Variants in KCND3 observed in about 807,000 individuals in gnomAD.
The protein encoded by KCND3 is A-type voltage-gated potassium channel KCND3.
Under a neutral mutation model 51.1 loss-of-function variants are expected in KCND3, and 9 were observed. The ratio of observed to expected loss-of-function variants is 0.18; its 90% CI spans 0.11 to 0.31. The LOEUF (loss-of-function observed/expected upper bound fraction) is 0.31. Among genes scored for constraint, KCND3 ranks in the 10% least tolerant of loss-of-function variants. The probability of loss-of-function intolerance (pLI) is 1.00; values close to 1 mark genes in which losing one functional copy is unlikely to be tolerated. For missense variants in KCND3, 526 were observed against 903.8 expected, an observed-to-expected ratio of 0.58 and a Z score of 5.36; for synonymous variants, 349 against 368.0, an observed-to-expected ratio of 0.95 and a Z score of 0.59.
At chr1:111,947,604 A>G (rs1672843140) in intron 2 of KCND3, among the ~76,000 whole-genome samples, 1 of 152,226 alleles carries the variant, frequency 6.6e-6, no homozygotes, top group Admixed American at 6.5e-5. Context: ...ACATGAGACC[A>G]TGTGTTCTTG....
At chr1:111,852,841 AGTG>A (rs776924005) in intron 2 of KCND3, among the ~76,000 whole-genome samples, 4 of 152,160 alleles carry the variant, frequency 2.6e-5, no homozygotes. Context: ...GGGCTTGCCT[AGTG>A]GTGGTTTTCT....
At chr1:111,808,683 C>A (rs1052866515) in intron 2 of KCND3, among the ~76,000 whole-genome samples, 9 of 152,222 alleles carry the variant, frequency 5.9e-5, no homozygotes, top group Non-Finnish European at 1.3e-4. Flanking sequence ...TAGAGCTTCT[C>A]ATCTCAGCTC....
intron 2 of KCND3, among the ~76,000 whole-genome samples, chr1:111,976,339 G>C (rs939280878): frequency 1.4e-4 from 21 of 152,164 alleles, no homozygotes; most frequent in African/African-American, 4.8e-4. Flanking sequence ...CCTAAAATCA[G>C]AACCACAGAA....
rs5002431 is a variant in KCND3 at position 111,884,558 on chromosome 1, A to T, written c.1106+97063T>A. On this transcript the variant is annotated intron_variant, in intron 2 of 7. Coordinates refer to ENST00000302127, the MANE Select transcript of KCND3 (RefSeq NM_001378969.1). ...AACAGGAGAGAAAGCACTAGAGAGGAGACCACGCTGAGAGATCTCCTTGGA... is the reference window on the plus strand; with the variant it reads ...AACAGGAGAGAAAGCACTAGAGAGGTGACCACGCTGAGAGATCTCCTTGGA... Among the ~76,000 whole-genome samples, 1,294 of 152,284 alleles carry T rather than the reference A, an allele frequency of 8.5e-3. 21 individuals carry two copies. The highest frequency in any genetic ancestry group is 0.029 in the African/African-American group (1,224 of 41,554).
intron 2 of KCND3, among the ~76,000 whole-genome samples, chr1:111,927,396 C>T (rs1671755199): frequency 6.6e-6 from 1 of 152,218 alleles, no homozygotes; most frequent in East Asian, 1.9e-4. Context: ...CTTTTGGAGA[C>T]CCCTTCCTGA....
chr1:111,784,507 T>C (rs1664525780), intron 3 of KCND3, among the ~76,000 whole-genome samples: 1 of 152,168 alleles, frequency 6.6e-6, no homozygotes. Context: ...ATCTTAGTAA[T>C]AATCCCAAGC....
chr1:111,824,682 C>T (rs75673565), intron 2 of KCND3, among the ~76,000 whole-genome samples: 5,718 of 152,260 alleles, frequency 0.038, 114 homozygotes, highest in African/African-American at 0.045. Flanking sequence ...AACCGACCCT[C>T]AGGCCTCCCA....
chr1:111,918,162 C>T (rs1231501491), intron 2 of KCND3, among the ~76,000 whole-genome samples: 1 of 152,138 alleles, frequency 6.6e-6, no homozygotes, highest in African/African-American at 2.4e-5. Flanking sequence ...ATGCAAGTGG[C>T]TTAGATTTAA....
chr1:111,879,237 T>C (rs901778168), intron 2 of KCND3, among the ~76,000 whole-genome samples: 1 of 152,158 alleles, frequency 6.6e-6, no homozygotes, highest in Admixed American at 6.5e-5. Context: ...TACATCCTAT[T>C]GGTTCTGTTT....
At chr1:111,783,794 AC>A (rs745738085) in intron 3 of KCND3, among the ~76,000 whole-genome samples, 3,185 of 152,284 alleles carry the variant, frequency 0.021, 39 homozygotes, top group Non-Finnish European at 0.031. Flanking sequence ...AAATAAACAA[AC>A]TGGTACATCT....
chr1:111,975,981 C>A (rs1674604423), intron 2 of KCND3, among the ~76,000 whole-genome samples: 1 of 152,168 alleles, frequency 6.6e-6, no homozygotes, highest in African/African-American at 2.4e-5. Flanking sequence ...TTGCTCTGCC[C>A]AGGCCCCCAC....
chr1:111,933,821 C>T (rs1301627092), intron 2 of KCND3, among the ~76,000 whole-genome samples: 1 of 152,204 alleles, frequency 6.6e-6, no homozygotes, highest in Non-Finnish European at 1.5e-5. Flanking sequence ...TCAATTTGCA[C>T]TTGTTTATCA....
intron 2 of KCND3, among the ~76,000 whole-genome samples, chr1:111,975,945 T>C (rs866524358): frequency 6.6e-6 from 1 of 152,190 alleles, no homozygotes; most frequent in African/African-American, 2.4e-5. Flanking sequence ...CTTCTTGACA[T>C]CCTAACATGA....
intron 2 of KCND3, among the ~76,000 whole-genome samples, chr1:111,886,174 G>C (rs927080598): frequency 2.0e-5 from 3 of 152,180 alleles, no homozygotes; most frequent in Non-Finnish European, 4.4e-5. Context: ...TCAGGTAGGA[G>C]GTTTTAGATG....
chr1:111,784,103 T>TCACACACACACACACACACACA (rs369429634), intron 3 of KCND3, among the ~76,000 whole-genome samples: 86 of 117,560 alleles, frequency 7.3e-4, no homozygotes, highest in Non-Finnish European at 1.1e-3. Context: ...CATTAACTTA[T>TCACACACACACACACACACACA]CACACACACA....
chr1:111,949,028 T>G (rs774422913), intron 2 of KCND3, among the ~76,000 whole-genome samples: 2 of 152,114 alleles, frequency 1.3e-5, no homozygotes, highest in Non-Finnish European at 2.9e-5. Flanking sequence ...TCACTCTGAG[T>G]GTCTAGGCTT....
chr1:111,954,294 G>C (rs1157688179), intron 2 of KCND3, among the ~76,000 whole-genome samples: 1 of 152,182 alleles, frequency 6.6e-6, no homozygotes, highest in African/African-American at 2.4e-5. Context: ...TGACATAGAG[G>C]AAAGGGACGA....
chr1:111,902,977 A>AT (rs1670461624), intron 2 of KCND3, among the ~76,000 whole-genome samples: 1 of 152,248 alleles, frequency 6.6e-6, no homozygotes, highest in Admixed American at 6.5e-5. Flanking sequence ...GTGGATATAC[A>AT]GTCAACATAC....
In KCND3 at chr1:111,982,999, C is replaced by A. The variant is rs750966781; in HGVS notation, c.-72-201G>T. On this transcript the variant is annotated intron_variant, in intron 1 of 7. Transcript: ENST00000302127. This position sits in a 1 kb window ranked among gnomAD's most constrained non-coding sequence, Gnocchi z 8.5. ...GGGAGAACACCTAGCTCCTGGAGCT[C>A]GGCAGGGTGGGATCGCCAGATGTTG... Among the ~76,000 whole-genome samples the A allele has an allele frequency of 6.6e-6, 1 of 152,088 alleles. No homozygotes were observed. The highest frequency in any genetic ancestry group is 1.5e-5 in the Non-Finnish European group (1 of 68,008).
Sources: gnomAD v4.1 joint callset for allele counts (sites outside exome capture counted in the v4.1 genomes callset) on GRCh38, gnomAD v4.1.1 for gene constraint, Gnocchi (gnomAD v3.1) non-coding constraint, MANE v1.5 for transcripts, NCBI Gene and HGNC (gene_info 2026-07-23, HGNC 2026-07-21) for gene names.